The following ESPN variants were observed in gnomAD, a reference collection of about 807,000 sequenced individuals.
The protein encoded by ESPN is autosomal recessive deafness type 36 protein.
A neutral mutation model predicts 77.7 loss-of-function variants in ESPN; 68 were observed. The ratio of observed to expected loss-of-function variants is 0.87; its 90% CI spans 0.72 to 1.07. The LOEUF is 1.07. Among genes scored for constraint, ESPN ranks in the 50% least tolerant of loss-of-function variants. The pLI is 0.00. For synonymous variants in ESPN, 449 were observed against 567.1 expected, an observed-to-expected ratio of 0.79 and a Z score of 2.96; for missense variants, 1,060 against 1,239.0, an observed-to-expected ratio of 0.86 and a Z score of 2.17.
downstream of ESPN, chr1:6,461,070 A>G (rs945617933): frequency 2.1e-6 from 1 of 483,464 alleles, no homozygotes; most frequent in African/African-American, 2.0e-5. The surrounding 1 kb of genome is among the most constrained non-coding windows in gnomAD (Gnocchi z 6.3). Flanking sequence ...CCGGGGTGAC[A>G]AGATTCCCGT....
chr1:6,457,764 T>C (rs531141238), intron 12 of ESPN, among the ~76,000 whole-genome samples: 1 of 152,322 alleles, frequency 6.6e-6, no homozygotes, highest in East Asian at 1.9e-4. Flanking sequence ...TAGAAGGATA[T>C]AGGTGAGCTT....
intron 12 of ESPN, 126 bp from the exon 13 acceptor site, chr1:6,459,873 C>A: frequency 1.7e-6 from 2 of 1,164,244 alleles, no homozygotes; most frequent in Non-Finnish European, 2.5e-6. Context: ...CGAGCCCCAG[C>A]CCTCAGTAAC....
rs981937992 is a variant in ESPN at position 6,451,055 on chromosome 1, T to C, written c.1916-548T>C. Reference sequence around the variant, plus strand: ...GTGCTCCCGGCTTGCAACCAATGTGTCTGCTTGTGCATCTGTCTGTGGGTG... The same window carrying C: ...GTGCTCCCGGCTTGCAACCAATGTGCCTGCTTGTGCATCTGTCTGTGGGTG... On this transcript the variant is annotated intron_variant, in intron 8 of 12. Transcript: ENST00000645284. The surrounding 1 kb of genome is among the most constrained non-coding windows in gnomAD (Gnocchi z 4.3). Among the ~76,000 whole-genome samples, 3 of 152,198 alleles carry C rather than the reference T, an allele frequency of 2.0e-5. No individual in the cohort carries two copies. Among genetic ancestry groups the C allele is most frequent in the African/African-American group, 7.2e-5 (3 of 41,460 alleles).
intron 2 of ESPN, among the ~76,000 whole-genome samples, chr1:6,436,748 C>T (rs1438832936): frequency 6.6e-6 from 1 of 152,098 alleles, no homozygotes; most frequent in Non-Finnish European, 1.5e-5. Flanking sequence ...CTCAGGCAGT[C>T]CTCCTGCTTT....
rs184658193 is a variant in ESPN at position 6,449,968 on chromosome 1, G to A, written c.1915+877G>A. Among the ~76,000 whole-genome samples, 95 of 152,280 alleles carry A rather than the reference G, an allele frequency of 6.2e-4. 1 individual carries two copies. The East Asian group carries it at 0.015, about 24-fold the overall frequency. On this transcript the variant is annotated intron_variant, in intron 8 of 12. Coordinates refer to ENST00000645284, the MANE Select transcript of ESPN (RefSeq NM_031475.3). Reference sequence around the variant, plus strand: ...TCCCTGACTAGAAGTGCAGAGCAGAGCTAGTCCCCCTACGGTTCCTATGGA... The same window carrying A: ...TCCCTGACTAGAAGTGCAGAGCAGAACTAGTCCCCCTACGGTTCCTATGGA...
intron 4 of ESPN, 43 bp downstream of exon 4, chr1:6,440,851 A>C: frequency 1.4e-6 from 2 of 1,472,988 alleles, no homozygotes; most frequent in East Asian, 5.4e-5. Context: ...CTCTGCTGGC[A>C]CCGCGCTTTC....
intron 7 of ESPN, 120 bp downstream of exon 7, chr1:6,446,055 A>G: frequency 9.7e-7 from 1 of 1,029,350 alleles, no homozygotes; most frequent in Non-Finnish European, 1.5e-6. Flanking sequence ...GGTCCATGGC[A>G]TGTTCAAGAG....
chr1:6,428,344 G>A lies in ESPN; in HGVS notation c.413G>A (p.Gly138Asp). The A allele has an allele frequency of 1.3e-5, 21 of 1,612,946 alleles. No individual in the cohort carries two copies. Among genetic ancestry groups the A allele is most frequent in the Non-Finnish European group, 1.8e-5 (21 of 1,179,964 alleles). ...GACCCCACCGCGGCCACAGACATGG[G>A]CGCCCTGCCTATCCACTACGCTGCC... ...GGDPTAATDM[G>D]ALPIHYAAAK... is the part of the protein sequence containing the mutation. The change falls in exon 2 of 13, where the codon GGC becomes GAC. Residue 138 changes from glycine to aspartate, a missense_variant. Physicochemically the swap from Gly to Asp is moderately conservative, Grantham distance 94. This residue lies in a region of ESPN where 556 missense variants were observed against 633.6 expected (regional missense o/e 0.88). Coordinates refer to ENST00000645284, the MANE Select transcript of ESPN (RefSeq NM_031475.3). The surrounding 1 kb of genome is among the most constrained non-coding windows in gnomAD (Gnocchi z 5.4).
chr1:6,434,212 C>T (rs1272015618), intron 2 of ESPN, among the ~76,000 whole-genome samples: 2 of 152,158 alleles, frequency 1.3e-5, no homozygotes, highest in African/African-American at 4.8e-5. Context: ...CTCCCAGCTG[C>T]CCTATGGTTG....
chr1:6,435,388 C>T lies in ESPN; in HGVS notation c.489-4866C>T, dbSNP rs188799856. Among the ~76,000 whole-genome samples, 93 of 152,328 alleles carry T rather than the reference C, an allele frequency of 6.1e-4. 1 individual carries two copies. The East Asian group carries it at 0.015, about 25-fold the overall frequency. On this transcript the variant is annotated intron_variant, in intron 2 of 12. Coordinates refer to ENST00000645284, the MANE Select transcript of ESPN (RefSeq NM_031475.3). The stretch of plus-strand genomic sequence containing the variant: ...CTGGCAGTCAGCTGGCACCAGTCTC[C>T]GCCGGAGATTCCCACAGCCCACACG...
At chr1:6,440,577 G>T (rs1164727008) in intron 3 of ESPN, 49 bp from the exon 4 acceptor site, 1 of 1,058,262 alleles carries the variant, frequency 9.4e-7, no homozygotes, top group Admixed American at 2.3e-5. Flanking sequence ...GGGCCTACAG[G>T]GGCCTGGCGC....
intron 1 of ESPN, 108 bp downstream of exon 1, chr1:6,425,357 C>T (rs1012979845): frequency 5.3e-6 from 7 of 1,316,622 alleles, no homozygotes; most frequent in African/African-American, 4.4e-5. Context: ...CACCTCCTGG[C>T]CCAGCTGAAC....
chr1:6,438,471 A>G (rs1358129799), intron 2 of ESPN, among the ~76,000 whole-genome samples: 5 of 152,244 alleles, frequency 3.3e-5, no homozygotes, highest in Non-Finnish European at 5.9e-5. Flanking sequence ...CACAGCTCAA[A>G]GGCCCCCCTC....
chr1:6,443,345 C>G (rs115148746), intron 5 of ESPN, among the ~76,000 whole-genome samples: 438 of 152,358 alleles, frequency 2.9e-3, no homozygotes, highest in African/African-American at 9.2e-3. Flanking sequence ...TCTGAAGCCA[C>G]TGTCCCAGAC....
intron 12 of ESPN, among the ~76,000 whole-genome samples, chr1:6,459,761 C>T (rs1644123474): frequency 6.6e-6 from 1 of 152,188 alleles, no homozygotes; most frequent in South Asian, 2.1e-4. Context: ...CCAGTAAAAC[C>T]CCAGCCCACA....
chr1:6,440,606 T>TTGCCC lies in ESPN; in HGVS notation c.676-20_676-19insTGCCC. Reference sequence around the variant, plus strand: ...CTGGCGCCCAGCCCCCGCCCCCCTCTCCCCGCCCGTCCCGCCCAGGTGAGC... The same window carrying TTGCCC: ...CTGGCGCCCAGCCCCCGCCCCCCTCTTGCCCCCCCGCCCGTCCCGCCCAGGTGAGC... On this transcript the variant is annotated intron_variant, in intron 3 of 12. Transcript: ENST00000645284. The TTGCCC allele has an allele frequency of 2.3e-6, 2 of 870,486 alleles. No individual in the cohort carries two copies. Among genetic ancestry groups the TTGCCC allele is most frequent in the Non-Finnish European group, 3.4e-6 (2 of 588,352 alleles). The allele number at this position is 870,486 out of a possible 1,614,324, so 53.9% of individuals were successfully genotyped here. A position where few individuals can be genotyped will look rare whatever the true frequency, so the allele number is the denominator to read the frequency against.
chr1:6,436,697 C>T (rs1220560786), intron 2 of ESPN, among the ~76,000 whole-genome samples: 3 of 151,948 alleles, frequency 2.0e-5, no homozygotes, highest in Non-Finnish European at 4.4e-5. Context: ...TAGAGAATGG[C>T]GGTCTCTCTA....
intron 5 of ESPN, among the ~76,000 whole-genome samples, chr1:6,441,965 C>A (rs573150884): frequency 1.3e-5 from 2 of 152,134 alleles, no homozygotes; most frequent in Non-Finnish European, 2.9e-5. Context: ...CTTCCCCCCG[C>A]GAAAGAGTCT....
At chr1:6,446,717 G>C (rs1643853310) in intron 7 of ESPN, among the ~76,000 whole-genome samples, 1 of 152,210 alleles carries the variant, frequency 6.6e-6, no homozygotes, top group African/African-American at 2.4e-5. Flanking sequence ...ACAGAGCAAG[G>C]ATGGTCTAAG....
Sources: allele counts gnomAD v4.1 joint callset (sites outside exome capture counted in the v4.1 genomes callset), GRCh38; gene constraint gnomAD v4.1.1; regional missense constraint gnomAD v4.1.1; non-coding constraint Gnocchi (gnomAD v3.1); transcripts MANE v1.5; gene names NCBI Gene and HGNC (gene_info 2026-07-23, HGNC 2026-07-21).